SLIT1: variants seen among roughly 807,000 people sequenced by gnomAD.
SLIT1 encodes the protein slit guidance ligand 1, also known as slit homolog 1 protein.
Under a neutral mutation model 186.1 loss-of-function variants are expected in SLIT1, and 66 were observed. The observed-to-expected ratio is 0.35, with a 90% CI of 0.29 to 0.44. The LOEUF is 0.44. SLIT1 is among the 20% of genes least tolerant of loss of function. The probability of loss-of-function intolerance (pLI) is 1.00; values close to 1 mark genes in which losing one functional copy is unlikely to be tolerated. For missense variants in SLIT1, 1,638 were observed against 2,037.4 expected (o/e 0.80, Z 3.77); for synonymous variants, 761 against 833.8 (o/e 0.91, Z 1.50).
intron 1 of SLIT1, among the ~76,000 whole-genome samples, chr10:97,183,249 G>GA (rs1482961095): frequency 1.3e-5 from 2 of 152,180 alleles, no homozygotes; most frequent in Admixed American, 6.5e-5. Flanking sequence ...CAGTTCTCTA[G>GA]ACCATGTGCC....
intron 4 of SLIT1, among the ~76,000 whole-genome samples, chr10:97,097,970 A>C (rs1020230247): frequency 1.3e-5 from 2 of 152,216 alleles, no homozygotes; most frequent in African/African-American, 4.8e-5. Context: ...GATTTTGTTA[A>C]TGTTATCATG....
At chr10:97,095,843 C>T (rs538045639) in intron 4 of SLIT1, among the ~76,000 whole-genome samples, 19 of 152,334 alleles carry the variant, frequency 1.2e-4, no homozygotes, top group African/African-American at 4.1e-4. Context: ...CAGACGCTAT[C>T]ATCTCTAAAG....
chr10:97,037,776 G>A lies in SLIT1; in HGVS notation c.2298-10C>T. The A allele has an allele frequency of 6.3e-7, 1 of 1,596,024 alleles. No individual in the cohort carries two copies. The highest frequency in any genetic ancestry group is 1.1e-5 in the South Asian group (1 of 90,220). On this transcript the variant is annotated splice_polypyrimidine_tract_variant and intron_variant, in intron 21 of 36. Transcript: ENST00000266058. ...GTTCCCGTCCAAATAGCTGCAGAGA[G>A]AACACAGCGGCGTTAGTGCCCATCT...
chr10:97,065,702 G>A lies in SLIT1; in HGVS notation c.485+313C>T, dbSNP rs1027268330. 3.3e-5 allele frequency: 9 copies of A among 272,994 alleles called. No individual in the cohort carries two copies. The South Asian group carries it at 6.3e-4, about 19-fold the overall frequency. 16.9% of individuals were successfully genotyped at this position (272,994 alleles called of 1,614,324 possible). On this transcript the variant is annotated intron_variant, in intron 5 of 36. Coordinates refer to ENST00000266058, the MANE Select transcript of SLIT1 (RefSeq NM_003061.3). ...AACCCAGCTCTCCCAACCCAAATAT[G>A]AGGCGGGCACAGACACTGTGCCACC...
chr10:97,032,070 C>A (rs984680243), intron 23 of SLIT1, among the ~76,000 whole-genome samples: 2 of 152,228 alleles, frequency 1.3e-5, no homozygotes, highest in African/African-American at 4.8e-5. Flanking sequence ...GGTGCATAGG[C>A]GAGTTCCCTA....
At chr10:97,053,640 T>A (rs1848811110) in intron 13 of SLIT1, among the ~76,000 whole-genome samples, 1 of 152,180 alleles carries the variant, frequency 6.6e-6, no homozygotes. Flanking sequence ...TTAATGCTCA[T>A]TAAATGCACA....
chr10:97,027,812 C>G (rs1274468704), intron 25 of SLIT1, among the ~76,000 whole-genome samples: 1 of 152,142 alleles, frequency 6.6e-6, no homozygotes, highest in East Asian at 1.9e-4. Context: ...GAGCTGGAGA[C>G]AAGATGTACT....
In SLIT1 at chr10:97,056,586, G is replaced by A. The variant is rs908935823; in HGVS notation, c.1158-122C>T. ...TACAGGGAGGAGCCCATCGGAGCAG[G>A]CCCAGGGAATCTGCCCTCTGGATGT... On this transcript the variant is annotated intron_variant, in intron 12 of 36. Transcript: ENST00000266058. 20 of 1,079,086 alleles carry A rather than the reference G, an allele frequency of 1.9e-5. No homozygotes were observed. The Admixed American group carries it at 3.9e-4, about 21-fold the overall frequency. The allele number at this position is 1,079,086 out of a possible 1,614,324, so 66.8% of individuals were successfully genotyped here.
chr10:97,112,290 T>C (rs2134680457), intron 4 of SLIT1, among the ~76,000 whole-genome samples: 1 of 152,200 alleles, frequency 6.6e-6, no homozygotes, highest in South Asian at 2.1e-4. Flanking sequence ...CACCACTCCC[T>C]GACAGAGCGC....
chr10:97,103,606 T>C (rs987832146), intron 4 of SLIT1: 3 of 152,222 alleles, frequency 2.0e-5, no homozygotes, highest in African/African-American at 7.2e-5. Flanking sequence ...AAGCGCACAG[T>C]GTGATTTCCA....
At position 97,046,909 on chromosome 10, in the gene SLIT1, G is replaced by A. The variant is rs576783816; in HGVS notation, c.1709+82C>T. On this transcript the variant is annotated intron_variant, in intron 17 of 36. Transcript: ENST00000266058. ...ACAGAGTCCTGGCCCCCCGCCGTGG[G>A]AGCTGCCCCCACCCTGGCATTTCCC... is the stretch of plus-strand genomic sequence containing the variant. 9 of 1,569,202 alleles carry A rather than the reference G, an allele frequency of 5.7e-6. No individual in the cohort carries two copies. In the African/African-American group the frequency reaches 6.7e-5, roughly 12 times the overall value.
At chr10:97,123,721 C>T (rs12255456) in intron 4 of SLIT1, among the ~76,000 whole-genome samples, 2,549 of 148,940 alleles carry the variant, frequency 0.017, 63 homozygotes, top group African/African-American at 0.055. Flanking sequence ...ACCTCGGAGG[C>T]GGAGGTTGCA....
chr10:97,103,266 C>T (rs1431492645), intron 4 of SLIT1: 4 of 152,350 alleles, frequency 2.6e-5, no homozygotes, highest in African/African-American at 9.7e-5. Flanking sequence ...AAGGTAACGC[C>T]ACTGGCCTTC....
chr10:97,113,810 C>T (rs1372696882), intron 4 of SLIT1, among the ~76,000 whole-genome samples: 2 of 152,196 alleles, frequency 1.3e-5, no homozygotes, highest in African/African-American at 4.8e-5. Context: ...CTCGCCTCGG[C>T]CTCCCAAAGT....
At chr10:97,063,750 G>T in intron 7 of SLIT1, 132 bp from the exon 8 acceptor site, 1 of 995,640 alleles carries the variant, frequency 1.0e-6, no homozygotes, top group Non-Finnish European at 1.5e-6. Flanking sequence ...ATTTAGTCAA[G>T]TAGACGGCTC....
At chr10:97,146,366 A>AC (rs1039790079) in intron 4 of SLIT1, among the ~76,000 whole-genome samples, 2 of 152,126 alleles carry the variant, frequency 1.3e-5, no homozygotes, top group African/African-American at 4.8e-5. Context: ...GTCAAAACCT[A>AC]CCATGTACAA....
Position 97,030,805 on chromosome 10 carries a change from G to A in SLIT1, c.2534C>T (p.Ser845Phe). The A allele has an allele frequency of 6.2e-7, 1 of 1,614,066 alleles. No individual in the cohort carries two copies. Among genetic ancestry groups the A allele is most frequent in the Non-Finnish European group, 8.5e-7 (1 of 1,179,990 alleles). The stretch of plus-strand genomic sequence containing the variant: ...TGCAAAGATGCCCTCTTGGAGGGTG[G>A]AGATGTCATTGCCGTGGAGAGACCT... Reference protein sequence around the residue: ...RLLSLHGNDISTLQEGIFADV... With the variant: ...RLLSLHGNDIFTLQEGIFADV... The change falls in exon 25 of 37, where the codon TCC becomes TTC. Residue 845 changes from serine to phenylalanine, a missense_variant. By Grantham distance (155) the Ser-to-Phe change is radical. Transcript: ENST00000266058.
chr10:97,090,315 A>G (rs1849216638), intron 4 of SLIT1, among the ~76,000 whole-genome samples: 1 of 152,134 alleles, frequency 6.6e-6, no homozygotes, highest in Non-Finnish European at 1.5e-5. Flanking sequence ...AAGTGACAAG[A>G]AGCAAGCAGC....
chr10:97,170,430 T>C (rs1589420723), intron 1 of SLIT1, among the ~76,000 whole-genome samples: 1 of 152,230 alleles, frequency 6.6e-6, no homozygotes, highest in Non-Finnish European at 1.5e-5. Context: ...ACTGCACTGT[T>C]GTGATTTTCC....
Sources: allele counts gnomAD v4.1 joint callset (sites outside exome capture counted in the v4.1 genomes callset), GRCh38; gene constraint gnomAD v4.1.1; transcripts MANE v1.5; gene names NCBI Gene and HGNC (gene_info 2026-07-23, HGNC 2026-07-21).